CHD6: variants seen among roughly 807,000 people sequenced by gnomAD.
CHD6 encodes ATP-dependent chromatin remodeler CHD6.
Under a neutral mutation model 276.9 loss-of-function variants are expected in CHD6, and 50 were observed. The ratio of observed to expected loss-of-function variants is 0.18; its 90% CI spans 0.14 to 0.23. CHD6 has a LOEUF of 0.23. CHD6 is among the 10% of genes least tolerant of loss of function. CHD6 has a pLI of 1.00. For missense variants in CHD6, 2,564 were observed against 3,365.8 expected (o/e 0.76, Z 5.89); for synonymous variants, 1,173 against 1,229.3 (o/e 0.95, Z 0.96).
rs572142153 is a variant in CHD6 at position 41,530,987 on chromosome 20, A to G, written c.554+2063T>C. Among the ~76,000 whole-genome samples, 5 of 152,350 alleles carry G rather than the reference A, an allele frequency of 3.3e-5. No individual in the cohort carries two copies. The East Asian group carries it at 9.6e-4, about 29-fold the overall frequency. ...AATCAAGTTGCGTTAATATTGCTAC[A>G]TTTATATAACAAAGACTGTACATTT... On this transcript the variant is annotated intron_variant, in intron 3 of 36. Coordinates refer to ENST00000373233, the MANE Select transcript of CHD6 (RefSeq NM_032221.5).
At chr20:41,493,993 A>G (rs753462314) in intron 8 of CHD6, 49 bp from the exon 9 acceptor site, 13 of 1,365,364 alleles carry the variant, frequency 9.5e-6, no homozygotes, top group Non-Finnish European at 1.4e-5. Flanking sequence ...CCTTGCCTCA[A>G]ATCCAACACC....
chr20:41,436,804 T>C (rs1391348067), intron 27 of CHD6, among the ~76,000 whole-genome samples: 1 of 152,078 alleles, frequency 6.6e-6, no homozygotes, highest in African/African-American at 2.4e-5. Context: ...ATTCTTAAAA[T>C]GACGAAATCA....
chr20:41,455,805 C>A lies in CHD6; in HGVS notation c.3004G>T (p.Ala1002Ser). The change falls in exon 19 of 37, where the codon GCC (alanine) becomes TCC (serine). Residue 1002 changes from alanine (A) to serine (S), a missense_variant. Ala to Ser is a moderately conservative substitution (Grantham distance 99). Coordinates refer to ENST00000373233, the MANE Select transcript of CHD6 (RefSeq NM_032221.5). ...IQSEGKGSTF[A>S]KASFVASGNR... ...CTGGAGAGAAGGCCCTGTACCTTGG[C>A]AAAAGTGGACCCTTTCCCCTCAGAC... 1.3e-6 allele frequency: 2 copies of A among 1,582,360 alleles called. No homozygotes were observed. The highest frequency in any genetic ancestry group is 1.7e-6 in the Non-Finnish European group (2 of 1,166,488).
At chr20:41,460,000 T>G (rs1280350744) in intron 17 of CHD6, among the ~76,000 whole-genome samples, 1 of 152,196 alleles carries the variant, frequency 6.6e-6, no homozygotes, top group Non-Finnish European at 1.5e-5. Context: ...GACAATAAGG[T>G]CCAGGCTGAA....
rs373846160 is a variant in CHD6 at position 41,405,397 on chromosome 20, G to A, written c.7344C>T (p.Ser2448=). ...CAATGGAAGGAGCCTTCAGGAGTTC[G>A]CTCCGAGGCCGCCTCCCCCTCCTGC... ...GPRRRGRRPR[S]ELLKAPSIVA... Residue 2448 remains serine, a synonymous_variant, in exon 37 of 37, where the codon AGC becomes AGT. Transcript: ENST00000373233. The A allele has an allele frequency of 3.2e-5, 52 of 1,613,760 alleles. No individual in the cohort carries two copies. Among genetic ancestry groups the A allele is most frequent in the East Asian group, 4.5e-5 (2 of 44,878 alleles).
At chr20:41,416,216 C>A (rs2046991415) in intron 33 of CHD6, among the ~76,000 whole-genome samples, 1 of 152,180 alleles carries the variant, frequency 6.6e-6, no homozygotes, top group African/African-American at 2.4e-5. Flanking sequence ...TCATGCTTCC[C>A]TTTCCTTATA....
intron 1 of CHD6, among the ~76,000 whole-genome samples, chr20:41,573,465 C>T (rs2045440309): frequency 6.6e-6 from 1 of 152,096 alleles, no homozygotes; most frequent in African/African-American, 2.4e-5. Context: ...ACACAACAAC[C>T]CTAACTGGGA....
intron 1 of CHD6, among the ~76,000 whole-genome samples, chr20:41,599,086 A>G (rs2045747949): frequency 6.6e-6 from 1 of 152,244 alleles, no homozygotes; most frequent in Non-Finnish European, 1.5e-5. Flanking sequence ...ACTGTAAACA[A>G]AAGTGTAGAC....
At chr20:41,453,016 C>A in intron 20 of CHD6, 74 bp from the exon 21 acceptor site, 1 of 1,214,724 alleles carries the variant, frequency 8.2e-7, no homozygotes, top group East Asian at 2.4e-5. Context: ...AGTGTATCCT[C>A]AGGACACATT....
chr20:41,475,219 C>G (rs995038663), intron 16 of CHD6, among the ~76,000 whole-genome samples: 1 of 152,174 alleles, frequency 6.6e-6, no homozygotes, highest in Non-Finnish European at 1.5e-5. Context: ...ACATTTAATT[C>G]TCACAATAGT....
At position 41,473,197 on chromosome 20, in the gene CHD6, AG is replaced by A; in HGVS notation, c.2664+124del. ...GTTTCACCCCCTGACCAAGGCCCTA[AG>A]CCTGTCATCCAGCTGACACCATAGC... On this transcript the variant is annotated intron_variant, in intron 17 of 36. Transcript: ENST00000373233. The surrounding 1 kb of genome is among the most constrained non-coding windows in gnomAD (Gnocchi z 4.1). The A allele has an allele frequency of 1.2e-6, 1 of 841,624 alleles. No homozygotes were observed. The highest frequency in any genetic ancestry group is 1.7e-5 in the African/African-American group (1 of 58,776). 52.1% of individuals were successfully genotyped at this position (841,624 alleles called of 1,614,324 possible).
Position 41,407,616 on chromosome 20 carries a change from G to GATT in CHD6, c.7252-2130_7252-2128dup, listed in dbSNP as rs546290492. 5.0e-4 allele frequency among the ~76,000 whole-genome samples: 76 copies of GATT among 152,338 alleles called. No homozygotes were observed. The East Asian group carries it at 0.012, about 24-fold the overall frequency. ...AAGCAAATCCTTAGAAGACCCAGCA[G>GATT]ATTTTTATTTAAGGGGCAGCTGTAA... On this transcript the variant is annotated intron_variant, in intron 36 of 36. Transcript: ENST00000373233.
chr20:41,512,983 C>T lies in CHD6; in HGVS notation c.715G>A (p.Gly239Arg). ...ESTDSQKRRS[G>R]RQVKRRKYNE... ...TATTTTCTGCGCTTTACTTGCCTTCCCGAGCGTCGTTTCTGTAGGGCAAAC... is the reference window on the plus strand; with the variant it reads ...TATTTTCTGCGCTTTACTTGCCTTCTCGAGCGTCGTTTCTGTAGGGCAAAC... Residue 239 changes from glycine (G) to arginine (R), a missense_variant, in exon 5 of 37, where the codon GGA (glycine) becomes AGA (arginine). Around this residue, in one of 7 missense-constraint regions of CHD6, gnomAD observed 286 missense variants for 297.8 expected, o/e 0.96. Coordinates refer to ENST00000373233, the MANE Select transcript of CHD6 (RefSeq NM_032221.5). 1.9e-6 allele frequency: 3 copies of T among 1,613,998 alleles called. No homozygotes were observed. The highest frequency in any genetic ancestry group is 2.5e-6 in the Non-Finnish European group (3 of 1,179,932).
chr20:41,516,814 G>A (rs886190686), intron 3 of CHD6, among the ~76,000 whole-genome samples: 5 of 152,066 alleles, frequency 3.3e-5, no homozygotes, highest in African/African-American at 1.2e-4. Context: ...AGGGAATGAA[G>A]CCTTTCAAGG....
At chr20:41,406,380 G>A (rs765913141) in intron 36 of CHD6, among the ~76,000 whole-genome samples, 1 of 152,184 alleles carries the variant, frequency 6.6e-6, no homozygotes, top group Admixed American at 6.5e-5. Context: ...CCCTCAACAC[G>A]GGTGATCTGG....
intron 1 of CHD6, among the ~76,000 whole-genome samples, chr20:41,584,124 A>G (rs1195742685): frequency 6.6e-6 from 1 of 152,174 alleles, no homozygotes; most frequent in Non-Finnish European, 1.5e-5. Flanking sequence ...TTTTAAAAAC[A>G]TAGATAGGTT....
At position 41,403,778 on chromosome 20, in the gene CHD6, G is replaced by A. The variant is rs1198340161; in HGVS notation, c.*815C>T. ...TAAGCGAACCAGGTGAGAGCAGAGCGCTAGCCGTGTGCTTGTGAAGCAGCG... is the reference window on the plus strand; with the variant it reads ...TAAGCGAACCAGGTGAGAGCAGAGCACTAGCCGTGTGCTTGTGAAGCAGCG... On this transcript the variant is annotated 3_prime_UTR_variant, in exon 37 of 37. Transcript: ENST00000373233. The A allele has an allele frequency of 2.9e-5, 31 of 1,058,360 alleles. No individual in the cohort carries two copies. Among genetic ancestry groups the A allele is most frequent in the Admixed American group, 1.6e-4 (3 of 18,502 alleles). The allele number at this position is 1,058,360 out of a possible 1,614,324, so 65.6% of individuals were successfully genotyped here. A position where few individuals can be genotyped will look rare whatever the true frequency, so the allele number is the denominator to read the frequency against.
intron 4 of CHD6, among the ~76,000 whole-genome samples, chr20:41,513,518 TTCTTGAAATGCAGGGAGACA>T (rs2044170903): frequency 6.6e-6 from 1 of 152,232 alleles, no homozygotes; most frequent in African/African-American, 2.4e-5. Flanking sequence ...CTCGTAACAC[TTCTTGAAATGCAGGGAGACA>T]TCTTAAGTGT....
intron 31 of CHD6, 133 bp from the exon 32 acceptor site, chr20:41,417,482 T>C (rs2047038405): frequency 1.4e-6 from 1 of 721,786 alleles, no homozygotes; most frequent in Admixed American, 3.4e-5. Flanking sequence ...AAATGGAATA[T>C]TAATTATGAT....
Sources: allele counts gnomAD v4.1 joint callset (sites outside exome capture counted in the v4.1 genomes callset), GRCh38; gene constraint gnomAD v4.1.1; regional missense constraint gnomAD v4.1.1; non-coding constraint Gnocchi (gnomAD v3.1); transcripts MANE v1.5; gene names NCBI Gene and HGNC (gene_info 2026-07-23, HGNC 2026-07-21).